The following GNAI3 variants were observed in gnomAD, a reference collection of about 807,000 sequenced individuals.
The protein encoded by GNAI3 is guanine nucleotide-binding protein G(i) subunit alpha-3.
In GNAI3, 12 loss-of-function variants were observed where a neutral mutation model predicts 41.8. The observed-to-expected ratio is 0.29, with a 90% CI of 0.18 to 0.47. GNAI3 has a LOEUF of 0.47. Among genes scored for constraint, GNAI3 ranks in the 20% least tolerant of loss-of-function variants. GNAI3 has a pLI of 1.00. For synonymous variants in GNAI3, 132 were observed against 146.5 expected (o/e 0.90, Z 0.71); for missense variants, 360 against 429.6 (o/e 0.84, Z 1.43).
At chr1:109,571,631 A>C (rs1010153645) in intron 1 of GNAI3, among the ~76,000 whole-genome samples, 1 of 152,150 alleles carries the variant, frequency 6.6e-6, no homozygotes, top group African/African-American at 2.4e-5. Context: ...AAGCCATGAG[A>C]TTAGGGCCGG....
intron 1 of GNAI3, among the ~76,000 whole-genome samples, chr1:109,564,863 G>T (rs981425131): frequency 1.1e-4 from 16 of 152,166 alleles, no homozygotes; most frequent in Non-Finnish European, 1.9e-4. Context: ...TGCCCTTTAA[G>T]CCTTTTTGGT....
chr1:109,586,594 CT>C, intron 6 of GNAI3, 134 bp from the exon 7 acceptor site: 1 of 716,310 alleles, frequency 1.4e-6, no homozygotes, highest in Admixed American at 2.9e-5. Context: ...TGACACTCAA[CT>C]TTATCTTATT....
chr1:109,589,514 A>G (rs1469412981), intron 7 of GNAI3, among the ~76,000 whole-genome samples: 1 of 152,180 alleles, frequency 6.6e-6, no homozygotes, highest in Non-Finnish European at 1.5e-5. Context: ...GAGGGCTAAG[A>G]TCCTATAAGC....
intron 3 of GNAI3, 99 bp downstream of exon 3, chr1:109,574,136 C>A: frequency 2.5e-6 from 2 of 785,148 alleles, no homozygotes; most frequent in Non-Finnish European, 2.0e-6. Context: ...TGAATTTAAG[C>A]AACAAGATAA....
intron 5 of GNAI3, among the ~76,000 whole-genome samples, chr1:109,585,803 T>C (rs1463072114): frequency 6.6e-6 from 1 of 152,212 alleles, no homozygotes; most frequent in African/African-American, 2.4e-5. Flanking sequence ...TGAGTTAAGA[T>C]GTTTAGTAGT....
chr1:109,574,259 G>T (rs889162764), intron 3 of GNAI3, among the ~76,000 whole-genome samples: 1 of 151,784 alleles, frequency 6.6e-6, no homozygotes, highest in Non-Finnish European at 1.5e-5. Context: ...GTGGGTGCAC[G>T]GTAGGTTTCT....
chr1:109,566,529 T>C (rs937835010), intron 1 of GNAI3, among the ~76,000 whole-genome samples: 1 of 152,202 alleles, frequency 6.6e-6, no homozygotes, highest in Non-Finnish European at 1.5e-5. Flanking sequence ...TAATTAAGTA[T>C]AGTACCTTGA....
intron 1 of GNAI3, among the ~76,000 whole-genome samples, chr1:109,571,023 A>AT (rs1008732332): frequency 6.2e-4 from 94 of 152,332 alleles, no homozygotes; most frequent in African/African-American, 2.2e-3. Context: ...ATATTGCTTT[A>AT]TTTAAAAAAA....
chr1:109,548,636 G>T lies in GNAI3; in HGVS notation c.-85G>T. 1 of 899,568 alleles carries T rather than the reference G, an allele frequency of 1.1e-6. No individual in the cohort carries two copies. The highest frequency in any genetic ancestry group is 1.8e-6 in the Non-Finnish European group (1 of 552,226). The allele number at this position is 899,568 out of a possible 1,614,324, so 55.7% of individuals were successfully genotyped here. On this transcript the variant is annotated 5_prime_UTR_variant, in exon 1 of 9. Transcript: ENST00000369851. The stretch of plus-strand genomic sequence containing the variant: ...AGCTGACGGAGAGGGCCACCGCCCA[G>T]CAATAGACGGTGCCTCAGCCTGCCG...
intron 3 of GNAI3, among the ~76,000 whole-genome samples, chr1:109,577,269 G>GTTTTT (rs1395067814): frequency 2.2e-5 from 3 of 138,998 alleles, no homozygotes; most frequent in African/African-American, 8.1e-5. Flanking sequence ...TAGCTAAGGT[G>GTTTTT]TTTTTTTTGT....
intron 4 of GNAI3, 107 bp downstream of exon 4, chr1:109,579,468 G>A (rs544808068): frequency 2.4e-5 from 15 of 621,660 alleles, no homozygotes; most frequent in South Asian, 1.9e-4. Flanking sequence ...ACTCTTAGAC[G>A]TTTATAGGAT....
chr1:109,574,818 T>C (rs187991393), intron 3 of GNAI3, among the ~76,000 whole-genome samples: 28 of 152,348 alleles, frequency 1.8e-4, no homozygotes, highest in Admixed American at 1.8e-3. Context: ...GTCATACTTA[T>C]GTGCCATGGC....
chr1:109,598,971 A>G lies in GNAI3; in HGVS notation c.*6649A>G. On this transcript the variant is annotated 3_prime_UTR_variant, in exon 9 of 9. Transcript: ENST00000369851. The stretch of plus-strand genomic sequence containing the variant: ...ACCTTCTCCACCCAGCATGGCCGGC[A>G]CACTTTGGTCTACGGCACATCTCCA... 1.9e-6 allele frequency: 1 copy of G among 534,940 alleles called. No homozygotes were observed. The highest frequency in any genetic ancestry group is 3.2e-4 in the Middle Eastern group (1 of 3,148). The allele number at this position is 534,940 out of a possible 1,614,324, so 33.1% of individuals were successfully genotyped here. A position where few individuals can be genotyped will look rare whatever the true frequency, so the allele number is the denominator to read the frequency against.
At chr1:109,564,295 A>G (rs747034433) in intron 1 of GNAI3, among the ~76,000 whole-genome samples, 10 of 149,190 alleles carry the variant, frequency 6.7e-5, no homozygotes, top group Non-Finnish European at 4.4e-5. Context: ...TTGCTTTCTT[A>G]CCTTTGCTTG....
intron 5 of GNAI3, among the ~76,000 whole-genome samples, chr1:109,583,622 C>T (rs780986243): frequency 6.6e-6 from 1 of 152,004 alleles, no homozygotes; most frequent in Non-Finnish European, 1.5e-5. Context: ...TGCTCTGTTG[C>T]CAGGCTGGAG....
intron 1 of GNAI3, among the ~76,000 whole-genome samples, chr1:109,552,104 G>A (rs1647995171): frequency 6.6e-6 from 1 of 151,952 alleles, no homozygotes; most frequent in African/African-American, 2.4e-5. Flanking sequence ...GGAGGTTGCA[G>A]TGAGCAGAGA....
At chr1:109,563,303 C>T (rs570818721) in intron 1 of GNAI3, among the ~76,000 whole-genome samples, 61 of 152,328 alleles carry the variant, frequency 4.0e-4, no homozygotes, top group African/African-American at 1.4e-3. Context: ...ATCGCTTGAG[C>T]CCTGGGGCGG....
At chr1:109,583,062 G>A (rs1329173334) in intron 5 of GNAI3, among the ~76,000 whole-genome samples, 1 of 152,146 alleles carries the variant, frequency 6.6e-6, no homozygotes, top group African/African-American at 2.4e-5. Context: ...AATGGAGCAA[G>A]TATTGTCATG....
intron 1 of GNAI3, among the ~76,000 whole-genome samples, chr1:109,558,311 T>C (rs1444172440): frequency 6.6e-6 from 1 of 151,922 alleles, no homozygotes; most frequent in Non-Finnish European, 1.5e-5. Flanking sequence ...TAATCCCAGC[T>C]ACTTGGGAGG....
Sources: gnomAD v4.1 joint callset for allele counts (sites outside exome capture counted in the v4.1 genomes callset) on GRCh38, gnomAD v4.1.1 for gene constraint, MANE v1.5 for transcripts, NCBI Gene and HGNC (gene_info 2026-07-23, HGNC 2026-07-21) for gene names.